RMND5A: variants seen among roughly 807,000 people sequenced by gnomAD.
The protein encoded by RMND5A is E3 ubiquitin-protein transferase RMND5A.
In RMND5A, 17 loss-of-function variants were observed where a neutral mutation model predicts 49.7. The ratio of observed to expected loss-of-function variants is 0.34; its 90% CI spans 0.23 to 0.51. The LOEUF (loss-of-function observed/expected upper bound fraction) is 0.51, where lower values mean the gene tolerates loss of function less well. Ranked by LOEUF, RMND5A falls within the 20% of genes least tolerant of loss-of-function variation. RMND5A has a pLI of 0.96. For missense variants in RMND5A, 255 were observed against 471.3 expected (o/e 0.54, Z 4.25); for synonymous variants, 156 against 167.7 (o/e 0.93, Z 0.54).
At chr2:86,764,937 C>T (rs896014031) in intron 4 of RMND5A, 90 bp from the exon 5 acceptor site, 2 of 1,254,026 alleles carry the variant, frequency 1.6e-6, no homozygotes, top group African/African-American at 1.5e-5. Context: ...GCAGACCAAG[C>T]CCCTTTTTTG....
At position 86,776,559 on chromosome 2, in the gene RMND5A, G is replaced by A. The variant is rs149303578; in HGVS notation, c.*3148G>A. On this transcript the variant is annotated 3_prime_UTR_variant, in exon 9 of 9. Coordinates refer to ENST00000283632, the MANE Select transcript of RMND5A (RefSeq NM_022780.4). ...TTAAGTTCAGTCTTCTTTATGCTGC[G>A]ATTGATTTCCACCTCAGTGGCTTAG... 14 of 152,284 alleles carry A rather than the reference G, an allele frequency of 9.2e-5. No individual in the cohort carries two copies. Among genetic ancestry groups the A allele is most frequent in the Admixed American group, 3.9e-4 (6 of 15,284 alleles). The allele number at this position is 152,284 out of a possible 1,614,324, so 9.4% of individuals were successfully genotyped here.
chr2:86,720,511 C>A lies in RMND5A; in HGVS notation c.-157C>A, dbSNP rs1681178037. 1 of 371,596 alleles carries A rather than the reference C, an allele frequency of 2.7e-6. No individual in the cohort carries two copies. Among genetic ancestry groups the A allele is most frequent in the Non-Finnish European group, 4.2e-6 (1 of 238,586 alleles). The allele number at this position is 371,596 out of a possible 1,614,324, so 23.0% of individuals were successfully genotyped here. A position where few individuals can be genotyped will look rare whatever the true frequency, so the allele number is the denominator to read the frequency against. On this transcript the variant is annotated 5_prime_UTR_variant, in exon 1 of 9. Transcript: ENST00000283632. ...GGCGGGCTCCGGCTGCGCGGGGCTC[C>A]CCCGGCGCCGCGGCTAGTGCGCCCG...
intron 4 of RMND5A, among the ~76,000 whole-genome samples, chr2:86,758,534 G>GT (rs1265821368): frequency 1.3e-5 from 2 of 152,122 alleles, no homozygotes; most frequent in African/African-American, 4.8e-5. Context: ...TAGATATGTT[G>GT]TCCAATATGG....
intron 7 of RMND5A, among the ~76,000 whole-genome samples, chr2:86,770,547 A>G (rs1672670608): frequency 2.0e-5 from 3 of 152,230 alleles, no homozygotes; most frequent in Admixed American, 2.0e-4. Context: ...TAGAATAAGT[A>G]TAGAGCTCTT....
At chr2:86,761,767 A>G (rs1672493254) in intron 4 of RMND5A, among the ~76,000 whole-genome samples, 1 of 152,192 alleles carries the variant, frequency 6.6e-6, no homozygotes. Context: ...CTTTTTGTAA[A>G]GGTATCTACT....
chr2:86,773,271 A>G (rs570137384), intron 8 of RMND5A, 77 bp from the exon 9 acceptor site: 6 of 743,350 alleles, frequency 8.1e-6, no homozygotes, highest in Non-Finnish European at 1.4e-5. Context: ...TGTTAAAGAT[A>G]CTCTATAACT....
Position 86,751,881 on chromosome 2 carries a change from C to G in RMND5A, c.286-15C>G. 3.7e-6 allele frequency: 6 copies of G among 1,607,842 alleles called. No homozygotes were observed. The highest frequency in any genetic ancestry group is 5.1e-6 in the Non-Finnish European group (6 of 1,176,244). Reference sequence around the variant, plus strand: ...ATAATCTATTTATGATTCCCTTTCTCTTTCTTTTCCCCAGAATTTTGATTC... The same window carrying G: ...ATAATCTATTTATGATTCCCTTTCTGTTTCTTTTCCCCAGAATTTTGATTC... On this transcript the variant is annotated splice_polypyrimidine_tract_variant and intron_variant, in intron 2 of 8. Transcript: ENST00000283632.
intron 5 of RMND5A, chr2:86,765,460 C>A: frequency 2.7e-6 from 1 of 364,422 alleles, no homozygotes; most frequent in Non-Finnish European, 4.9e-6. Flanking sequence ...TCTTTTCCAC[C>A]CCCACCTGGC....
chr2:86,757,174 C>CAAAAAAAAAAAAAAAA (rs60710494), intron 4 of RMND5A, among the ~76,000 whole-genome samples: 1 of 97,970 alleles, frequency 1.0e-5, no homozygotes, highest in Non-Finnish European at 2.0e-5. Flanking sequence ...AACTCAGTCT[C>CAAAAAAAAAAAAAAAA]AAAAAAAAAA....
chr2:86,753,544 G>C lies in RMND5A; in HGVS notation c.507G>C (p.Leu169=). Residue 169 remains leucine, a synonymous_variant, in exon 4 of 9, where the codon CTG becomes CTC. Transcript: ENST00000283632. Reference sequence around the variant, plus strand: ...TAGAGGCATTAAAGGTCAGAGTTCTGAGACCTGCTCTGGAGTGAGTATTGA... The same window carrying C: ...TAGAGGCATTAAAGGTCAGAGTTCTCAGACCTGCTCTGGAGTGAGTATTGA... ...RILEALKVRV[L]RPALEWAVSN... is the part of the protein sequence containing the mutation. The C allele has an allele frequency of 6.3e-7, 1 of 1,593,780 alleles. No individual in the cohort carries two copies. The highest frequency in any genetic ancestry group is 8.6e-7 in the Non-Finnish European group (1 of 1,162,108).
chr2:86,744,152 G>A (rs940369573), intron 2 of RMND5A, among the ~76,000 whole-genome samples: 1 of 152,112 alleles, frequency 6.6e-6, no homozygotes. Flanking sequence ...GGCCTCAGCT[G>A]AAGAGGAAGC....
chr2:86,761,470 A>C (rs551750146), intron 4 of RMND5A, among the ~76,000 whole-genome samples: 1 of 152,310 alleles, frequency 6.6e-6, no homozygotes, highest in South Asian at 2.1e-4. Context: ...GAGAGGTCCT[A>C]TCATGTCAGG....
At chr2:86,744,781 C>G (rs955170545) in intron 2 of RMND5A, among the ~76,000 whole-genome samples, 2 of 152,022 alleles carry the variant, frequency 1.3e-5, no homozygotes, top group Non-Finnish European at 2.9e-5. Context: ...TCCCTGGGCT[C>G]GAGTGGTCCT....
At position 86,729,750 on chromosome 2, in the gene RMND5A, C is replaced by T. The variant is rs1396165472; in HGVS notation, c.142+8941C>T. ...GAAGGACCAGATTGCAGGGGAAAGG[C>T]GATAAGAGCATTAAAATTAAATTGG... On this transcript the variant is annotated intron_variant, in intron 1 of 8. Transcript: ENST00000283632. 8.7e-5 allele frequency among the ~76,000 whole-genome samples: 7 copies of T among 80,436 alleles called. 2 individuals are homozygous for T. In the South Asian group the frequency reaches 1.9e-3, roughly 22 times the overall value. The allele number at this position is 80,436 out of a possible 152,430, so 52.8% of individuals were successfully genotyped here.
intron 4 of RMND5A, among the ~76,000 whole-genome samples, chr2:86,756,325 GGA>G (rs1681739590): frequency 6.6e-6 from 1 of 152,084 alleles, no homozygotes; most frequent in African/African-American, 2.4e-5. Flanking sequence ...CCCAGGAGGC[GGA>G]GTCTGCAGTG....
rs1311429773 is a variant in RMND5A, at chr2:86,777,996, C to T, written c.*4585C>T. The stretch of plus-strand genomic sequence containing the variant: ...TTCCTATGTAAAACACATGGCTTTT[C>T]CTGTGTATATTTTTAAAAATTAAAG... On this transcript the variant is annotated 3_prime_UTR_variant, in exon 9 of 9. Transcript: ENST00000283632. 6.6e-6 allele frequency: 1 copy of T among 152,028 alleles called. No homozygotes were observed. Among genetic ancestry groups the T allele is most frequent in the Non-Finnish European group, 1.5e-5 (1 of 67,998 alleles). The allele number at this position is 152,028 out of a possible 1,614,324, so 9.4% of individuals were successfully genotyped here. A position where few individuals can be genotyped will look rare whatever the true frequency, so the allele number is the denominator to read the frequency against.
intron 2 of RMND5A, among the ~76,000 whole-genome samples, chr2:86,742,282 C>A (rs1200184912): frequency 6.6e-6 from 1 of 151,304 alleles, no homozygotes. Flanking sequence ...TCAGTGATGG[C>A]AGTCACCAGC....
intron 7 of RMND5A, 88 bp from the exon 8 acceptor site, chr2:86,771,470 G>A: frequency 2.6e-6 from 3 of 1,164,910 alleles, no homozygotes; most frequent in Non-Finnish European, 3.6e-6. Flanking sequence ...TCTGATCAAT[G>A]TTCTTTGCTG....
chr2:86,772,800 G>A (rs1400091657), intron 8 of RMND5A, among the ~76,000 whole-genome samples: 1 of 151,972 alleles, frequency 6.6e-6, no homozygotes, highest in Non-Finnish European at 1.5e-5. Flanking sequence ...TCGCCATGTC[G>A]CTCAGGCTGT....
Sources: gnomAD v4.1 joint callset for allele counts (sites outside exome capture counted in the v4.1 genomes callset) on GRCh38, gnomAD v4.1.1 for gene constraint, MANE v1.5 for transcripts, NCBI Gene and HGNC (gene_info 2026-07-23, HGNC 2026-07-21) for gene names.